MCF2L: variants seen among roughly 807,000 people sequenced by gnomAD.
The protein encoded by MCF2L is MCF.2 cell line derived transforming sequence like, also known as guanine nucleotide exchange factor DBS.
In MCF2L, 97 loss-of-function variants were observed where a neutral mutation model predicts 153.4. The ratio of observed to expected loss-of-function variants is 0.63; its 90% CI spans 0.54 to 0.75. The LOEUF (loss-of-function observed/expected upper bound fraction) is 0.75, where lower values mean the gene tolerates loss of function less well. MCF2L is among the 30% of genes least tolerant of loss of function. The probability of loss-of-function intolerance (pLI) is 0.00; values close to 1 mark genes in which losing one functional copy is unlikely to be tolerated. For synonymous variants in MCF2L, 659 were observed against 632.2 expected (o/e 1.04, Z -0.64); for missense variants, 1,347 against 1,495.2 (o/e 0.90, Z 1.64).
In MCF2L at chr13:112,974,947, C is replaced by T. The variant is rs571442387; in HGVS notation, c.79+5489C>T. 7.9e-5 allele frequency among the ~76,000 whole-genome samples: 12 copies of T among 152,350 alleles called. No individual in the cohort carries two copies. The South Asian group carries it at 2.3e-3, about 29-fold the overall frequency. ...TTTCCGTGTGTTTCGTTTCCTCCGC[C>T]GCCTACGACGTGCAGGCAGCACTCT... is the stretch of plus-strand genomic sequence containing the variant. On this transcript the variant is annotated intron_variant, in intron 1 of 29. Coordinates refer to ENST00000535094, the MANE Select transcript of MCF2L (RefSeq NM_001112732.3).
chr13:112,902,528 G>A (rs548648545), intron 2 of MCF2L, among the ~76,000 whole-genome samples: 17 of 152,332 alleles, frequency 1.1e-4, no homozygotes, highest in Admixed American at 4.6e-4. Flanking sequence ...GAGGGGCCTC[G>A]AATGGGTTCA....
Position 113,078,421 on chromosome 13 carries a change from C to T in MCF2L, c.1719C>T (p.Pro573=). The T allele has an allele frequency of 6.2e-7, 1 of 1,612,098 alleles. No homozygotes were observed. The highest frequency in any genetic ancestry group is 8.5e-7 in the Non-Finnish European group (1 of 1,179,494). ...AGGGCGGTGCGCTCCGGAGAGGGCCCTACCGGAGGGCCAAGGTGAGGCTTG... is the reference window on the plus strand; with the variant it reads ...AGGGCGGTGCGCTCCGGAGAGGGCCTTACCGGAGGGCCAAGGTGAGGCTTG... ...SSEGGALRRG[P]YRRAKSEMSE... Residue 573 remains proline, a synonymous_variant, in exon 14 of 30, where the codon CCC becomes CCT. Coordinates refer to ENST00000535094, the MANE Select transcript of MCF2L (RefSeq NM_001112732.3).
intron 1 of MCF2L, among the ~76,000 whole-genome samples, chr13:112,982,858 G>A (rs1402351344): frequency 6.6e-6 from 1 of 152,138 alleles, no homozygotes; most frequent in East Asian, 1.9e-4. Context: ...CAGGGAAATT[G>A]CAGAGAACAA....
At chr13:112,939,135 C>T (rs187563017) in intron 2 of MCF2L, among the ~76,000 whole-genome samples, 12 of 152,278 alleles carry the variant, frequency 7.9e-5, no homozygotes, top group African/African-American at 2.9e-4. Context: ...TTTCCAGATA[C>T]AACTGATGGT....
At chr13:113,026,079 T>C (rs866585136) in intron 3 of MCF2L, among the ~76,000 whole-genome samples, 1 of 99,970 alleles carries the variant, frequency 1.0e-5, no homozygotes, top group Non-Finnish European at 2.1e-5. Context: ...GCGGTCCCCG[T>C]GACTGTGGGT....
rs1373574283 is a variant in MCF2L at position 112,915,318 on chromosome 13, A to C, written c.169+12947A>C. 2.0e-5 allele frequency among the ~76,000 whole-genome samples: 3 copies of C among 148,988 alleles called. No homozygotes were observed. The East Asian group carries it at 6.0e-4, about 30-fold the overall frequency. On this transcript the variant is annotated intron_variant, in intron 2 of 29. Transcript: ENST00000375608. ...CAGCTACTCAGGAGGCTGAGGCAGG[A>C]GAATCGCTTGAACCCGGGAAGCGGA...
At chr13:113,093,718 C>G (rs1028082167) in intron 26 of MCF2L, 2 of 152,328 alleles carry the variant, frequency 1.3e-5, no homozygotes, top group African/African-American at 4.8e-5. Flanking sequence ...TGTCCTGCCT[C>G]GATGCATTTG....
chr13:113,099,356 A>T lies in MCF2L; in HGVS notation c.*2497A>T, dbSNP rs572371669. On this transcript the variant is annotated 3_prime_UTR_variant, in exon 30 of 30. Coordinates refer to ENST00000535094, the MANE Select transcript of MCF2L (RefSeq NM_001112732.3). The stretch of plus-strand genomic sequence containing the variant: ...AAAATATTTGCAAAACAATGGGAAG[A>T]TCATTGAAACACTGTTTGGCAATTT... 7.2e-5 allele frequency: 11 copies of T among 152,344 alleles called. No individual in the cohort carries two copies. The highest frequency in any genetic ancestry group is 2.6e-4 in the African/African-American group (11 of 41,582). 9.4% of individuals were successfully genotyped at this position (152,344 alleles called of 1,614,324 possible). A position where few individuals can be genotyped will look rare whatever the true frequency, so the allele number is the denominator to read the frequency against.
Position 113,031,884 on chromosome 13 carries a change from A to G in MCF2L, c.278+7126A>G, listed in dbSNP as rs1383011477. Among the ~76,000 whole-genome samples, 1 of 151,812 alleles carries G rather than the reference A, an allele frequency of 6.6e-6. No individual in the cohort carries two copies. The highest frequency in any genetic ancestry group is 2.4e-5 in the African/African-American group (1 of 41,300). ...GCACATGCCACACACACACACACAC[A>G]CACACAGATGCACGCAGACACGCAG... On this transcript the variant is annotated intron_variant, in intron 3 of 29. Transcript: ENST00000535094. This position sits in a 1 kb window ranked among gnomAD's most constrained non-coding sequence, Gnocchi z 5.5.
Position 113,053,204 on chromosome 13 carries a change from G to C in MCF2L, c.370-7389G>C, listed in dbSNP as rs751634498. 6.6e-6 allele frequency among the ~76,000 whole-genome samples: 1 copy of C among 152,126 alleles called. No homozygotes were observed. Among genetic ancestry groups the C allele is most frequent in the Non-Finnish European group, 1.5e-5 (1 of 68,022 alleles). ...TGCCCACACATGGGGCTTTCTCCAC[G>C]TGCCCCGTCATGTCCTTCCTGTATT... On this transcript the variant is annotated intron_variant, in intron 4 of 29. Coordinates refer to ENST00000535094, the MANE Select transcript of MCF2L (RefSeq NM_001112732.3). The surrounding 1 kb of genome is among the most constrained non-coding windows in gnomAD (Gnocchi z 4.4).
At chr13:112,974,402 G>A (rs2082150194) in intron 1 of MCF2L, among the ~76,000 whole-genome samples, 1 of 152,134 alleles carries the variant, frequency 6.6e-6, no homozygotes, top group African/African-American at 2.4e-5. Context: ...CCCCCGGCGT[G>A]GCCAACCTCA....
intron 5 of MCF2L, 34 bp downstream of exon 5, chr13:113,060,746 G>T: frequency 6.2e-7 from 1 of 1,607,824 alleles, no homozygotes. Context: ...TGCGGTAGCA[G>T]AACGGAACTC....
At chr13:113,091,873 C>T (rs1235488452) in intron 26 of MCF2L, among the ~76,000 whole-genome samples, 1 of 152,176 alleles carries the variant, frequency 6.6e-6, no homozygotes, top group African/African-American at 2.4e-5. Flanking sequence ...CAAAGGTTCC[C>T]AGGGGTGTAA....
intron 1 of MCF2L, among the ~76,000 whole-genome samples, chr13:113,008,355 G>T (rs1333941884): frequency 6.9e-6 from 1 of 145,170 alleles, no homozygotes; most frequent in African/African-American, 2.6e-5. Context: ...GTGAGTGGCT[G>T]TGTCTCAGCC....
Position 112,912,496 on chromosome 13 carries a change from T to C in MCF2L, c.169+10125T>C, listed in dbSNP as rs200732687. Among the ~76,000 whole-genome samples, 8 of 152,172 alleles carry C rather than the reference T, an allele frequency of 5.3e-5. No individual in the cohort carries two copies. In the East Asian group the frequency reaches 7.7e-4, roughly 15 times the overall value. ...CACACCCAGCTAATTTTTGTATTTT[T>C]AGTAGAGACGGGGTTTCACCATGTT... On this transcript the variant is annotated intron_variant, in intron 2 of 29. Coordinates refer to the MCF2L transcript ENST00000375608.
chr13:113,046,881 C>T lies in MCF2L; in HGVS notation c.369+1520C>T, dbSNP rs76345638. ...TCGGTCTTCCTTTGTTTTAACAGTG[C>T]GTTCGTTTGCTTTTGCGTCACTATA... On this transcript the variant is annotated intron_variant, in intron 4 of 29. Transcript: ENST00000535094. The surrounding 1 kb of genome is among the most constrained non-coding windows in gnomAD (Gnocchi z 4.4). The T allele has an allele frequency of 8.3e-3, 2,401 of 289,888 alleles. 59 individuals carry two copies. Among genetic ancestry groups the T allele is most frequent in the African/African-American group, 0.05 (2,234 of 44,580 alleles). 18.0% of individuals were successfully genotyped at this position (289,888 alleles called of 1,614,324 possible).
At chr13:112,903,755 C>T (rs184107667) in intron 2 of MCF2L, among the ~76,000 whole-genome samples, 4 of 152,310 alleles carry the variant, frequency 2.6e-5, no homozygotes, top group East Asian at 3.9e-4. Context: ...GGACCTCTCA[C>T]GGACTGAGAA....
At chr13:112,934,273 A>G (rs893371719) in intron 2 of MCF2L, among the ~76,000 whole-genome samples, 3 of 152,204 alleles carry the variant, frequency 2.0e-5, no homozygotes, top group African/African-American at 7.2e-5. Context: ...TTCCCACTGT[A>G]GCAACAGGAA....
At chr13:112,992,403 CAG>C (rs2082928908) in intron 1 of MCF2L, among the ~76,000 whole-genome samples, 1 of 152,188 alleles carries the variant, frequency 6.6e-6, no homozygotes, top group Non-Finnish European at 1.5e-5. Context: ...TCATGAGGCC[CAG>C]TCGGAATGTG....
Sources: allele counts gnomAD v4.1 joint callset (sites outside exome capture counted in the v4.1 genomes callset), GRCh38; gene constraint gnomAD v4.1.1; non-coding constraint Gnocchi (gnomAD v3.1); transcripts MANE v1.5; gene names NCBI Gene and HGNC (gene_info 2026-07-23, HGNC 2026-07-21).